Variants in LONRF3 observed in about 807,000 individuals in gnomAD.
LONRF3 encodes the protein LON peptidase N-terminal domain and RING finger protein 3.
LONRF3 carries 19 observed loss-of-function variants against 51.7 expected under a neutral mutation model. That is an observed-to-expected ratio of 0.37 (90% CI 0.26 to 0.54). The LOEUF is 0.54. Ranked by LOEUF, LONRF3 falls within the 20% of genes least tolerant of loss-of-function variation. The pLI, the probability that LONRF3 is intolerant of heterozygous loss-of-function variation, is 0.86. For synonymous variants in LONRF3, 265 were observed against 257.8 expected (o/e 1.03, Z -0.27); for missense variants, 521 against 623.9 (o/e 0.84, Z 1.76).
intron 10 of LONRF3, among the ~76,000 whole-genome samples, chrX:119,014,615 A>G (rs1329399222): frequency 9.0e-6 from 1 of 111,642 alleles, no homozygotes; most frequent in Admixed American, 9.5e-5. Flanking sequence ...AGATAAGAGA[A>G]TGGGAACATA....
Position 118,975,247 on chromosome X carries a change from T to C in LONRF3, c.467T>C (p.Phe156Ser), listed in dbSNP as rs1327498320. 2 of 1,205,625 alleles carry C rather than the reference T, an allele frequency of 1.7e-6. No homozygotes were observed. The highest frequency in any genetic ancestry group is 2.2e-6 in the Non-Finnish European group (2 of 893,401). ...AAAATEVWDG[F>S]KCRKCHGFLS... is the part of the protein sequence containing the mutation. ...GCGGCCACCGAGGTGTGGGACGGCTTTAAGTGCCGGAAATGTCATGGGTTT... is the reference window on the plus strand; with the variant it reads ...GCGGCCACCGAGGTGTGGGACGGCTCTAAGTGCCGGAAATGTCATGGGTTT... The change falls in exon 1 of 11, where the codon TTT (phenylalanine) becomes TCT (serine). Residue 156 changes from phenylalanine to serine, a missense_variant. Around this residue, in one of 2 missense-constraint regions of LONRF3, gnomAD observed 376 missense variants for 376.7 expected, o/e 1.00. Transcript: ENST00000371628.
At chrX:118,978,576 G>C (rs1417463514) in intron 2 of LONRF3, 113 bp downstream of exon 2, 1 of 480,509 alleles carries the variant, frequency 2.1e-6, no homozygotes, top group Non-Finnish European at 3.6e-6. Flanking sequence ...ACAGGAAGAA[G>C]ACTTTGCAAA....
chrX:118,976,784 C>A (rs1922102965), intron 1 of LONRF3: 1 of 113,374 alleles, frequency 8.8e-6, no homozygotes, highest in African/African-American at 3.2e-5. Context: ...GGAGCTCGGC[C>A]GTGGGGCGCG....
Position 119,000,397 on chromosome X carries a change from C to T in LONRF3, c.1416-5724C>T, listed in dbSNP as rs186784310. Among the ~76,000 whole-genome samples, 253 of 112,048 alleles carry T rather than the reference C, an allele frequency of 2.3e-3. 2 individuals are homozygous for T. Among genetic ancestry groups the T allele is most frequent in the African/African-American group, 7.6e-3 (235 of 30,867 alleles). Reference sequence around the variant, plus strand: ...TGAAAAGAGTGAATGGAACAATAATCGGAGGTGTGTAAGTGAGGACCATTC... The same window carrying T: ...TGAAAAGAGTGAATGGAACAATAATTGGAGGTGTGTAAGTGAGGACCATTC... On this transcript the variant is annotated intron_variant, in intron 5 of 10. Transcript: ENST00000371628.
chrX:118,988,982 G>A (rs1234559139), intron 3 of LONRF3, among the ~76,000 whole-genome samples: 1 of 110,472 alleles, frequency 9.1e-6, no homozygotes, highest in Non-Finnish European at 1.9e-5. Flanking sequence ...GATCGCAGAC[G>A]GCCGTGAATG....
chrX:118,976,426 A>ATT (rs1922061211), intron 1 of LONRF3: 1 of 113,551 alleles, frequency 8.8e-6, no homozygotes, highest in African/African-American at 3.2e-5. Flanking sequence ...CCTCGGCTGA[A>ATT]ATAGATGCCC....
intron 5 of LONRF3, among the ~76,000 whole-genome samples, chrX:118,996,108 G>T (rs1051480684): frequency 3.6e-5 from 4 of 112,266 alleles, no homozygotes; most frequent in Non-Finnish European, 7.5e-5. Flanking sequence ...ATAAAGCGAT[G>T]CTGGATTTTG....
At chrX:118,985,071 A>G (rs1270109543) in intron 3 of LONRF3, among the ~76,000 whole-genome samples, 1 of 112,150 alleles carries the variant, frequency 8.9e-6, no homozygotes, top group Non-Finnish European at 1.9e-5. Flanking sequence ...ATTGACCCCA[A>G]CTTTTGTTTT....
At chrX:118,989,756 G>A in intron 4 of LONRF3, 84 bp downstream of exon 4, 4 of 1,020,961 alleles carry the variant, frequency 3.9e-6, no homozygotes, top group Non-Finnish European at 5.2e-6. Context: ...CTCTGTCTGG[G>A]GGCTCCTTAG....
At chrX:118,992,980 C>A (rs1467633673) in intron 5 of LONRF3, among the ~76,000 whole-genome samples, 2 of 111,652 alleles carry the variant, frequency 1.8e-5, no homozygotes, top group Non-Finnish European at 3.8e-5. Flanking sequence ...GAGAGTACTA[C>A]ATCAAGGGAA....
In LONRF3 at chrX:118,994,173, C is replaced by T. The variant is rs148393727; in HGVS notation, c.1415+3613C>T. ...GCAACAAAGAGCACAATGAATGCTA[C>T]GGTACGGTACACCACATTTCAATAC... On this transcript the variant is annotated intron_variant, in intron 5 of 10. Transcript: ENST00000371628. Among the ~76,000 whole-genome samples, 486 of 111,749 alleles carry T rather than the reference C, an allele frequency of 4.3e-3. 2 individuals carry two copies. Among genetic ancestry groups the T allele is most frequent in the Non-Finnish European group, 7.4e-3 (391 of 53,163 alleles).
In LONRF3 at chrX:118,975,518, C is replaced by T; in HGVS notation, c.738C>T (p.Leu246=). The T allele has an allele frequency of 1.7e-6, 2 of 1,205,070 alleles. No homozygotes were observed. The highest frequency in any genetic ancestry group is 1.7e-5 in the African/African-American group (1 of 57,257). The change falls in exon 1 of 11, where the codon CTC becomes CTT. Residue 246 remains leucine, a synonymous_variant. Transcript: ENST00000371628. ...CAGGCCCAGCGCGAGCGTCGCAACT[C>T]CGGCACGAGGGCAACCGACTGTACC... ...LFPGPARASQ[L]RHEGNRLYRE...
intron 3 of LONRF3, among the ~76,000 whole-genome samples, chrX:118,985,716 C>T (rs1016608974): frequency 8.1e-5 from 9 of 111,687 alleles, no homozygotes; most frequent in African/African-American, 2.9e-4. Flanking sequence ...GCACTCTCTA[C>T]TACTGTGTAG....
intron 5 of LONRF3, 59 bp downstream of exon 5, chrX:118,990,619 C>G (rs1017918617): frequency 1.0e-6 from 1 of 976,637 alleles, no homozygotes; most frequent in Non-Finnish European, 1.5e-6. Context: ...GTGTCTGGAC[C>G]TTTCTGCTAG....
In LONRF3 at chrX:119,018,203, G is replaced by C. The variant is rs1408198204; in HGVS notation, c.*513G>C. ...CACTACTGTATCCTTTTTTCTACAT[G>C]TATGTTTGTAACTATTTAAGCGTAC... On this transcript the variant is annotated 3_prime_UTR_variant, in exon 11 of 11. Coordinates refer to ENST00000371628, the MANE Select transcript of LONRF3 (RefSeq NM_001031855.3). The C allele has an allele frequency of 8.9e-6, 1 of 112,181 alleles. No homozygotes were observed. Among genetic ancestry groups the C allele is most frequent in the African/African-American group, 3.2e-5 (1 of 30,830 alleles). 9.2% of individuals were successfully genotyped at this position (112,181 alleles called of 1,213,427 possible).
At chrX:118,986,800 T>C in intron 3 of LONRF3, 1 of 558,589 alleles carries the variant, frequency 1.8e-6, no homozygotes, top group Non-Finnish European at 2.8e-6. Flanking sequence ...TTAGGGACAC[T>C]GGTCCAAGGC....
At chrX:118,977,038 C>T (rs942394319) in intron 1 of LONRF3, 4 of 112,133 alleles carry the variant, frequency 3.6e-5, no homozygotes, top group African/African-American at 9.7e-5. Context: ...TGTGCACAAG[C>T]AAGGCAGACT....
intron 3 of LONRF3, among the ~76,000 whole-genome samples, chrX:118,988,365 G>A (rs1244638700): frequency 8.9e-6 from 1 of 111,790 alleles, no homozygotes; most frequent in Non-Finnish European, 1.9e-5. Flanking sequence ...AACCAGCTGG[G>A]GAACAAGGAT....
At chrX:118,979,604 CT>C (rs1922399575) in intron 2 of LONRF3, among the ~76,000 whole-genome samples, 1 of 111,872 alleles carries the variant, frequency 8.9e-6, no homozygotes, top group African/African-American at 3.3e-5. Flanking sequence ...TAAATGTTTT[CT>C]ATCGCCATTT....
Sources: gnomAD v4.1 joint callset for allele counts (sites outside exome capture counted in the v4.1 genomes callset) on GRCh38, gnomAD v4.1.1 for gene constraint, gnomAD v4.1.1 regional missense constraint, MANE v1.5 for transcripts, NCBI Gene and HGNC (gene_info 2026-07-23, HGNC 2026-07-21) for gene names.